Variants in ITPR3 observed in about 807,000 individuals in gnomAD.
ITPR3 encodes inositol 1,4,5-trisphosphate-gated calcium channel ITPR3.
A neutral mutation model predicts 293.2 loss-of-function variants in ITPR3; 173 were observed. That is an observed-to-expected ratio of 0.59 (90% CI 0.52 to 0.67). The LOEUF (loss-of-function observed/expected upper bound fraction) is 0.67. Among genes scored for constraint, ITPR3 ranks in the 30% least tolerant of loss-of-function variants. ITPR3 has a pLI of 0.00. For synonymous variants in ITPR3, 1,295 were observed against 1,444.4 expected (o/e 0.90, Z 2.35); for missense variants, 2,796 against 3,592.1 (o/e 0.78, Z 5.66).
chr6:33,671,405 C>G, intron 21 of ITPR3, 99 bp downstream of exon 21: 1 of 818,828 alleles, frequency 1.2e-6, no homozygotes, highest in Non-Finnish European at 1.9e-6. Context: ...CCCCGCATTC[C>G]CCCCACCCAA....
rs751368153 is a variant in ITPR3 at position 33,684,419 on chromosome 6, G to A, written c.5000G>A (p.Arg1667Gln). 80 of 1,613,936 alleles carry A rather than the reference G, an allele frequency of 5.0e-5. No homozygotes were observed. The East Asian group carries it at 5.1e-4, about 10-fold the overall frequency. Residue 1667 changes from arginine (R) to glutamine (Q), a missense_variant, in exon 37 of 58, where the codon CGG becomes CAG. Arg to Gln is a conservative substitution (Grantham distance 43). This residue lies in a region of ITPR3 where 704 missense variants were observed against 797.5 expected (regional missense o/e 0.88). Transcript: ENST00000605930. The surrounding 1 kb of genome is among the most constrained non-coding windows in gnomAD (Gnocchi z 4.2). ...GAGAAGCTGTGCATCAAGGTGCTGC[G>A]GACCCTGCAGCAGATGCTGCTCAAG... The part of the protein sequence containing the change: ...SEEKLCIKVL[R>Q]TLQQMLLKKT...
In ITPR3 at chr6:33,682,252, A is replaced by G. The variant is rs77847037; in HGVS notation, c.4477-272A>G. Among the ~76,000 whole-genome samples the G allele has an allele frequency of 6.6e-6, 1 of 152,162 alleles. No homozygotes were observed. Among genetic ancestry groups the G allele is most frequent in the Non-Finnish European group, 1.5e-5 (1 of 68,042 alleles). On this transcript the variant is annotated intron_variant, in intron 33 of 57. Coordinates refer to ENST00000605930, the MANE Select transcript of ITPR3 (RefSeq NM_002224.4). This position sits in a 1 kb window ranked among gnomAD's most constrained non-coding sequence, Gnocchi z 5.4. ...AAATCCATCACCTTTTTATGACATT[A>G]ATTTTTTTAAACATTTTTTAAAAGG...
At chr6:33,695,299 A>C in intron 57 of ITPR3, 1 of 599,506 alleles carries the variant, frequency 1.7e-6, no homozygotes, top group South Asian at 2.1e-5. Flanking sequence ...GGCCAAGTGG[A>C]AACTTTAGTA....
rs1764721747 is a variant in ITPR3 at position 33,670,351 on chromosome 6, T to C, written c.2216T>C (p.Met739Thr). 2 of 1,613,936 alleles carry C rather than the reference T, an allele frequency of 1.2e-6. No individual in the cohort carries two copies. Among genetic ancestry groups the C allele is most frequent in the African/African-American group, 1.3e-5 (1 of 74,938 alleles). The change falls in exon 19 of 58, where the codon ATG becomes ACG. Residue 739 changes from methionine (M) to threonine (T), a missense_variant. Met to Thr is a moderately conservative substitution (Grantham distance 81, BLOSUM62 -1). Around this residue, in one of 8 missense-constraint regions of ITPR3, gnomAD observed 955 missense variants for 1,180.8 expected, o/e 0.81. Transcript: ENST00000605930. This position sits in a 1 kb window ranked among gnomAD's most constrained non-coding sequence, Gnocchi z 6.7. ...TACCAGCTGAAGCTCTTTGCCCGCA[T>C]GTGCTTGGACCGCCAGTACTTGGCC... ...YRYQLKLFARMCLDRQYLAID... is the reference protein window; with the variant it reads ...YRYQLKLFARTCLDRQYLAID...
At chr6:33,659,272 A>G (rs1326746840) in intron 6 of ITPR3, among the ~76,000 whole-genome samples, 153 bp downstream of exon 6, 7 of 152,082 alleles carry the variant, frequency 4.6e-5, no homozygotes, top group Non-Finnish European at 2.9e-5. Flanking sequence ...ATTTCCCAAC[A>G]CTGCCCTCAT....
intron 43 of ITPR3, 46 bp downstream of exon 43, chr6:33,686,565 G>A (rs2127310277): frequency 7.5e-7 from 1 of 1,340,742 alleles, no homozygotes; most frequent in East Asian, 2.3e-5. Flanking sequence ...TGCATGTGAT[G>A]TGCATGCATG....
rs34778247 is a variant in ITPR3 at position 33,690,775 on chromosome 6, C to A, written c.7033-142C>A. ...CTGACAGGCCCACCCAGCTTGGATA[C>A]GACTAAGTGCAGACCTCCCTGGAGG... is the stretch of plus-strand genomic sequence containing the variant. On this transcript the variant is annotated intron_variant, in intron 51 of 57. Transcript: ENST00000605930. 107,412 of 686,042 alleles carry A rather than the reference C, an allele frequency of 0.16. 10,069 individuals carry two copies. Among genetic ancestry groups the A allele is most frequent in the Non-Finnish European group, 0.2 (80,892 of 411,280 alleles). The allele number at this position is 686,042 out of a possible 1,614,324, so 42.5% of individuals were successfully genotyped here.
chr6:33,655,640 A>AC lies in ITPR3; in HGVS notation c.161-124dup, dbSNP rs1049671284. 42 of 1,256,152 alleles carry AC rather than the reference A, an allele frequency of 3.3e-5. No individual in the cohort carries two copies. In the African/African-American group the frequency reaches 5.7e-4, roughly 17 times the overall value. The allele number at this position is 1,256,152 out of a possible 1,614,324, so 77.8% of individuals were successfully genotyped here. ...AGGTTCTTCCAACCGCTTCCTCTCT[A>AC]CCTGCAGCGGGGAACGGGGGTGGGG... On this transcript the variant is annotated intron_variant, in intron 2 of 57. Transcript: ENST00000605930. This position sits in a 1 kb window ranked among gnomAD's most constrained non-coding sequence, Gnocchi z 4.9.
intron 8 of ITPR3, 49 bp downstream of exon 8, chr6:33,662,723 C>T: frequency 6.3e-7 from 1 of 1,594,084 alleles, no homozygotes; most frequent in African/African-American, 1.3e-5. Context: ...TTGGATGCCA[C>T]CCCTCCCTCT....
chr6:33,627,325 A>G (rs1033036742), intron 1 of ITPR3, among the ~76,000 whole-genome samples: 2 of 152,208 alleles, frequency 1.3e-5, no homozygotes, highest in African/African-American at 4.8e-5. Context: ...AACATTCCCT[A>G]TGACCTTCTA....
intron 22 of ITPR3, 128 bp from the exon 23 acceptor site, chr6:33,673,463 C>A: frequency 8.3e-7 from 1 of 1,204,740 alleles, no homozygotes; most frequent in Non-Finnish European, 1.2e-6. Flanking sequence ...GCTGAGGACC[C>A]TGCTGCCCCA....
rs369141647 is a variant in ITPR3, at chr6:33,694,884, C to T, written c.7786-40C>T. The T allele has an allele frequency of 5.7e-4, 919 of 1,613,446 alleles. 8 individuals carry two copies. The highest frequency in any genetic ancestry group is 3.1e-3 in the South Asian group (280 of 91,044). On this transcript the variant is annotated intron_variant, in intron 56 of 57. Coordinates refer to ENST00000605930, the MANE Select transcript of ITPR3 (RefSeq NM_002224.4). ...TTTTCTAAATGAGGCCTTTCTAGGC[C>T]GGGCCCACGCCTGCTTAACCCACTG...
intron 7 of ITPR3, 59 bp downstream of exon 7, chr6:33,659,608 C>A (rs1764405578): frequency 7.1e-7 from 1 of 1,400,090 alleles, no homozygotes; most frequent in Non-Finnish European, 1.0e-6. Context: ...CCACCAGGGC[C>A]CTCTTCCTGC....
chr6:33,648,701 C>T (rs193180616), intron 2 of ITPR3, among the ~76,000 whole-genome samples: 49 of 151,848 alleles, frequency 3.2e-4, no homozygotes, highest in Non-Finnish European at 1.3e-4. Context: ...AAGCAATCCT[C>T]CCGCCTCAAG....
Position 33,621,774 on chromosome 6 carries a change from GCCC to G in ITPR3, c.89+87_89+89del. The G allele has an allele frequency of 9.6e-7, 1 of 1,039,480 alleles. No individual in the cohort carries two copies. The highest frequency in any genetic ancestry group is 1.5e-6 in the Non-Finnish European group (1 of 689,590). 64.4% of individuals were successfully genotyped at this position (1,039,480 alleles called of 1,614,324 possible). On this transcript the variant is annotated intron_variant, in intron 1 of 57. Coordinates refer to ENST00000605930, the MANE Select transcript of ITPR3 (RefSeq NM_002224.4). This position sits in a 1 kb window ranked among gnomAD's most constrained non-coding sequence, Gnocchi z 7.7. Reference sequence around the variant, plus strand: ...TGCCAGCTGCGTGCGTCCAGCCGCCGCCCCCCGATAGAGGCCTGGACGTCCCCC... The same window carrying G: ...TGCCAGCTGCGTGCGTCCAGCCGCCGCCCGATAGAGGCCTGGACGTCCCCC...
chr6:33,695,526 T>C, intron 57 of ITPR3, 186 bp from the exon 58 acceptor site: 1 of 624,212 alleles, frequency 1.6e-6, no homozygotes, highest in South Asian at 1.9e-5. Flanking sequence ...GACACGCTAA[T>C]TGAGAACAAG....
chr6:33,684,581 C>A lies in ITPR3; in HGVS notation c.5047-17C>A. On this transcript the variant is annotated splice_polypyrimidine_tract_variant and intron_variant, in intron 37 of 57. Coordinates refer to ENST00000605930, the MANE Select transcript of ITPR3 (RefSeq NM_002224.4). This position sits in a 1 kb window ranked among gnomAD's most constrained non-coding sequence, Gnocchi z 4.2. Reference sequence around the variant, plus strand: ...GGGCTGTACCCACAATGGGGCCTCACTCCCATCCTCCCCCAGGGCAACCAG... The same window carrying A: ...GGGCTGTACCCACAATGGGGCCTCAATCCCATCCTCCCCCAGGGCAACCAG... 6.2e-7 allele frequency: 1 copy of A among 1,613,230 alleles called. No individual in the cohort carries two copies. Among genetic ancestry groups the A allele is most frequent in the Non-Finnish European group, 8.5e-7 (1 of 1,179,230 alleles).
chr6:33,658,880 C>A lies in ITPR3; in HGVS notation c.528+52C>A. ...GCCTGGTGGAACTCCCGAGGGGCTT[C>A]TGTAGGGTCTTCGGTGTGGGGACTG... On this transcript the variant is annotated intron_variant, in intron 5 of 57. Transcript: ENST00000605930. This position sits in a 1 kb window ranked among gnomAD's most constrained non-coding sequence, Gnocchi z 6.1. 6.2e-7 allele frequency: 1 copy of A among 1,608,580 alleles called. No homozygotes were observed. The highest frequency in any genetic ancestry group is 8.5e-7 in the Non-Finnish European group (1 of 1,176,332).
At chr6:33,665,338 G>T (rs1764582866) in intron 13 of ITPR3, 125 bp downstream of exon 13, 1 of 1,288,134 alleles carries the variant, frequency 7.8e-7, no homozygotes, top group African/African-American at 1.5e-5. Flanking sequence ...ACTGGCCCCT[G>T]TGGGGCCCTG....
Sources: gnomAD v4.1 joint callset for allele counts (sites outside exome capture counted in the v4.1 genomes callset) on GRCh38, gnomAD v4.1.1 for gene constraint, gnomAD v4.1.1 regional missense constraint, Gnocchi (gnomAD v3.1) non-coding constraint, MANE v1.5 for transcripts, NCBI Gene and HGNC (gene_info 2026-07-23, HGNC 2026-07-21) for gene names.